Variants in FBN2 observed in about 807,000 individuals in gnomAD.
FBN2 encodes the protein fibrillin 2.
A neutral mutation model predicts 355.6 loss-of-function variants in FBN2; 105 were observed. The observed-to-expected ratio is 0.30, with a 90% CI of 0.25 to 0.35. The LOEUF (loss-of-function observed/expected upper bound fraction) is 0.35, where lower values mean the gene tolerates loss of function less well. Ranked by LOEUF, FBN2 falls within the 10% of genes least tolerant of loss-of-function variation. The probability of loss-of-function intolerance (pLI) is 1.00; values close to 1 mark genes in which losing one functional copy is unlikely to be tolerated. For synonymous variants in FBN2, 1,350 were observed against 1,301.2 expected, an observed-to-expected ratio of 1.04 and a Z score of -0.81; for missense variants, 3,280 against 3,758.7, an observed-to-expected ratio of 0.87 and a Z score of 3.33.
rs781082447 is a variant in FBN2, at chr5:128,481,968, T to C, written c.629-17047A>G. Among the ~76,000 whole-genome samples, 191 of 152,264 alleles carry C rather than the reference T, an allele frequency of 1.3e-3. 1 individual carries two copies. Among genetic ancestry groups the C allele is most frequent in the Non-Finnish European group, 2.2e-3 (150 of 68,022 alleles). ...CTTATACTGTGGGTTCCATATGTAA[T>C]TATACATTTTGGGGGCAAACTAAAC... On this transcript the variant is annotated intron_variant, in intron 5 of 64. Transcript: ENST00000262464.
chr5:128,264,701 G>T (rs1316681779), intron 62 of FBN2, among the ~76,000 whole-genome samples: 1 of 152,168 alleles, frequency 6.6e-6, no homozygotes, highest in African/African-American at 2.4e-5. Flanking sequence ...TCCATGTGGA[G>T]CAAAGAGTGT....
intron 11 of FBN2, among the ~76,000 whole-genome samples, chr5:128,379,863 A>G (rs1353188433): frequency 6.6e-6 from 1 of 152,174 alleles, no homozygotes; most frequent in Non-Finnish European, 1.5e-5. Flanking sequence ...ATTAACATAT[A>G]CCATTTCAGC....
At chr5:128,522,148 A>C (rs1487743916) in intron 4 of FBN2, among the ~76,000 whole-genome samples, 1 of 152,202 alleles carries the variant, frequency 6.6e-6, no homozygotes, top group Non-Finnish European at 1.5e-5. Flanking sequence ...ATGAACAAAA[A>C]GATCAAGGGC....
chr5:128,444,054 CTTTTTTTT>C (rs35768962), intron 7 of FBN2, among the ~76,000 whole-genome samples: 4 of 65,622 alleles, frequency 6.1e-5, no homozygotes, highest in African/African-American at 1.2e-4. Context: ...ATCACTTGTT[CTTTTTTTT>C]TTTTTTTTTT....
intron 7 of FBN2, among the ~76,000 whole-genome samples, chr5:128,444,627 G>A (rs1754018744): frequency 1.3e-5 from 2 of 152,202 alleles, no homozygotes; most frequent in South Asian, 4.1e-4. Flanking sequence ...GGCACGACTG[G>A]ATTCAGGGCT....
intron 5 of FBN2, among the ~76,000 whole-genome samples, chr5:128,494,864 G>A (rs1324272077): frequency 6.6e-6 from 1 of 152,082 alleles, no homozygotes; most frequent in Non-Finnish European, 1.5e-5. Context: ...TTAATGTAGA[G>A]TTTTCAACAA....
chr5:128,271,463 C>T (rs916234103), intron 62 of FBN2, among the ~76,000 whole-genome samples: 2 of 152,164 alleles, frequency 1.3e-5, no homozygotes, highest in East Asian at 3.9e-4. Flanking sequence ...AGCTGAGAGC[C>T]ACGTATTTTA....
Position 128,286,588 on chromosome 5 carries a change from T to C in FBN2, c.7012+130A>G. The C allele has an allele frequency of 5.6e-6, 6 of 1,070,448 alleles. No individual in the cohort carries two copies. In the East Asian group the frequency reaches 7.2e-5, roughly 13 times the overall value. The allele number at this position is 1,070,448 out of a possible 1,614,324, so 66.3% of individuals were successfully genotyped here. On this transcript the variant is annotated intron_variant, in intron 55 of 64. Coordinates refer to ENST00000262464, the MANE Select transcript of FBN2 (RefSeq NM_001999.4). ...CAGAGACCCTGAGATGGAAGAAAGC[T>C]AGCTGTATCACTGCCTTAACACAGC... is the stretch of plus-strand genomic sequence containing the variant.
At chr5:128,396,156 G>T (rs1490942790) in intron 8 of FBN2, among the ~76,000 whole-genome samples, 2 of 152,100 alleles carry the variant, frequency 1.3e-5, no homozygotes, top group East Asian at 3.9e-4. Context: ...CTTGGGTGTG[G>T]GGTATGGAAG....
At chr5:128,368,914 A>G (rs1751856659) in intron 16 of FBN2, among the ~76,000 whole-genome samples, 1 of 151,824 alleles carries the variant, frequency 6.6e-6, no homozygotes, top group Non-Finnish European at 1.5e-5. Context: ...GAGCCTCCCA[A>G]AGTGCTGGGA....
chr5:128,486,281 T>G (rs1484200830), intron 5 of FBN2, among the ~76,000 whole-genome samples: 3 of 152,112 alleles, frequency 2.0e-5, no homozygotes, highest in African/African-American at 7.2e-5. Context: ...AAGTATATAA[T>G]GACATCCCAT....
chr5:128,534,321 A>C (rs982191830), intron 2 of FBN2, among the ~76,000 whole-genome samples: 5 of 152,184 alleles, frequency 3.3e-5, no homozygotes, highest in Admixed American at 6.5e-5. Flanking sequence ...TAACGGTTTC[A>C]TTTCACTTAT....
chr5:128,503,008 C>T (rs952073178), intron 5 of FBN2, among the ~76,000 whole-genome samples: 3 of 152,114 alleles, frequency 2.0e-5, no homozygotes, highest in Non-Finnish European at 4.4e-5. Context: ...TTGGCCATTC[C>T]CCACCCAAAT....
intron 5 of FBN2, among the ~76,000 whole-genome samples, chr5:128,494,951 TAGAG>T (rs1266784620): frequency 1.3e-5 from 2 of 152,142 alleles, no homozygotes; most frequent in Non-Finnish European, 2.9e-5. Context: ...GAAATGTCCT[TAGAG>T]AGAACTCAGG....
At chr5:128,352,278 T>C (rs1459872235) in intron 20 of FBN2, among the ~76,000 whole-genome samples, 1 of 152,046 alleles carries the variant, frequency 6.6e-6, no homozygotes, top group African/African-American at 2.4e-5. Flanking sequence ...TGGTAAACAA[T>C]TTGAAGAAAT....
At chr5:128,514,658 C>A (rs997831791) in intron 5 of FBN2, among the ~76,000 whole-genome samples, 1 of 152,040 alleles carries the variant, frequency 6.6e-6, no homozygotes, top group Non-Finnish European at 1.5e-5. Context: ...GTAAACACCC[C>A]AAAGCACGTA....
chr5:128,366,538 T>C lies in FBN2; in HGVS notation c.2249-108A>G, dbSNP rs1751772562. Reference sequence around the variant, plus strand: ...CCATTAGGAAGAATTATTTGTGCATTAGTTTTTAAAGTGAAAAAAATTACC... The same window carrying C: ...CCATTAGGAAGAATTATTTGTGCATCAGTTTTTAAAGTGAAAAAAATTACC... On this transcript the variant is annotated intron_variant, in intron 16 of 64. Coordinates refer to ENST00000262464, the MANE Select transcript of FBN2 (RefSeq NM_001999.4). 3 of 640,480 alleles carry C rather than the reference T, an allele frequency of 4.7e-6. No homozygotes were observed. In the South Asian group the frequency reaches 6.1e-5, roughly 13 times the overall value. The allele number at this position is 640,480 out of a possible 1,614,324, so 39.7% of individuals were successfully genotyped here.
chr5:128,422,125 T>C (rs1581279449), intron 7 of FBN2, among the ~76,000 whole-genome samples: 2 of 152,304 alleles, frequency 1.3e-5, no homozygotes, highest in East Asian at 1.9e-4. Context: ...TCAAAAGGAA[T>C]GTAATCCTGC....
intron 32 of FBN2, 126 bp downstream of exon 32, chr5:128,332,786 T>C: frequency 1.0e-6 from 1 of 976,184 alleles, no homozygotes; most frequent in African/African-American, 1.6e-5. Flanking sequence ...AGGAATTATC[T>C]TGCAACTAAG....
Sources: allele counts gnomAD v4.1 joint callset (sites outside exome capture counted in the v4.1 genomes callset), GRCh38; gene constraint gnomAD v4.1.1; transcripts MANE v1.5; gene names NCBI Gene and HGNC (gene_info 2026-07-23, HGNC 2026-07-21).